The following NEK1 variants were observed in gnomAD, a reference collection of about 807,000 sequenced individuals.
NEK1 encodes NIMA related kinase 1.
Under a neutral mutation model 182.1 loss-of-function variants are expected in NEK1, and 137 were observed. The ratio of observed to expected loss-of-function variants is 0.75; its 90% CI spans 0.65 to 0.87. The LOEUF (loss-of-function observed/expected upper bound fraction) is 0.87. NEK1 is among the 40% of genes least tolerant of loss of function. The probability of loss-of-function intolerance (pLI) is 0.00; values close to 1 mark genes in which losing one functional copy is unlikely to be tolerated. For synonymous variants in NEK1, 513 were observed against 492.2 expected (o/e 1.04, Z -0.56); for missense variants, 1,391 against 1,494.4 (o/e 0.93, Z 1.14).
rs528256857 is a variant in NEK1, at chr4:169,393,321, CAT to C, written c.*1187_*1188del. 6.6e-6 allele frequency: 1 copy of C among 152,040 alleles called. No homozygotes were observed. The highest frequency in any genetic ancestry group is 1.5e-5 in the Non-Finnish European group (1 of 67,982). 9.4% of individuals were successfully genotyped at this position (152,040 alleles called of 1,614,324 possible). A position where few individuals can be genotyped will look rare whatever the true frequency, so the allele number is the denominator to read the frequency against. On this transcript the variant is annotated 3_prime_UTR_variant, in exon 36 of 36. Coordinates refer to ENST00000507142, the MANE Select transcript of NEK1 (RefSeq NM_001199397.3). ...ATAGCAATATCATAAAATAAACACACATATTAAAAAATCAAGTATTTAGTTTC... is the reference window on the plus strand; with the variant it reads ...ATAGCAATATCATAAAATAAACACACATTAAAAAATCAAGTATTTAGTTTC...
At chr4:169,429,687 T>C (rs1737064810) in intron 29 of NEK1, among the ~76,000 whole-genome samples, 1 of 152,166 alleles carries the variant, frequency 6.6e-6, no homozygotes, top group African/African-American at 2.4e-5. Flanking sequence ...AGTTCTCCAC[T>C]AAGTTAGTCT....
intron 23 of NEK1, among the ~76,000 whole-genome samples, chr4:169,481,342 C>T (rs1483283811): frequency 6.6e-6 from 1 of 152,130 alleles, no homozygotes; most frequent in Admixed American, 6.5e-5. Flanking sequence ...ATGATGAATA[C>T]TTTTTAGAAG....
At chr4:169,561,623 GCA>G in intron 15 of NEK1, 62 bp downstream of exon 15, 3 of 1,583,772 alleles carry the variant, frequency 1.9e-6, no homozygotes, top group Non-Finnish European at 2.6e-6. Context: ...AATACATTTA[GCA>G]ATAAACTGAA....
At chr4:169,592,946 G>T (rs548993148) in intron 5 of NEK1, among the ~76,000 whole-genome samples, 5 of 152,214 alleles carry the variant, frequency 3.3e-5, no homozygotes, top group South Asian at 2.1e-4. Context: ...TCAGGAAAAA[G>T]AAAGTGAAAA....
chr4:169,605,151 A>G (rs1771126892), intron 2 of NEK1, among the ~76,000 whole-genome samples: 1 of 152,224 alleles, frequency 6.6e-6, no homozygotes, highest in Admixed American at 6.5e-5. Context: ...TTCTGCCAAG[A>G]GAGGGAAACA....
At position 169,589,994 on chromosome 4, in the gene NEK1, C is replaced by A. The variant is rs183288295; in HGVS notation, c.397-480G>T. On this transcript the variant is annotated intron_variant, in intron 6 of 35. Coordinates refer to ENST00000507142, the MANE Select transcript of NEK1 (RefSeq NM_001199397.3). ...AACTCAACAATAACAACAAAAAAAA[C>A]CAAATAGTATGACTTAGAAGTAGGC... Among the ~76,000 whole-genome samples the A allele has an allele frequency of 4.6e-3, 699 of 151,942 alleles. 5 individuals are homozygous for A. Among genetic ancestry groups the A allele is most frequent in the African/African-American group, 0.015 (637 of 41,436 alleles).
chr4:169,444,934 C>A (rs1222544489), intron 27 of NEK1, among the ~76,000 whole-genome samples: 1 of 152,124 alleles, frequency 6.6e-6, no homozygotes, highest in Non-Finnish European at 1.5e-5. Flanking sequence ...AACTAGAAAT[C>A]AATCACGAGA....
At chr4:169,607,283 T>C (rs1217962158) in intron 2 of NEK1, among the ~76,000 whole-genome samples, 1 of 152,096 alleles carries the variant, frequency 6.6e-6, no homozygotes, top group Non-Finnish European at 1.5e-5. Context: ...CAAAAAATAA[T>C]GATGCACATT....
Position 169,585,561 on chromosome 4 carries a change from A to C in NEK1, c.607-12T>G. The C allele has an allele frequency of 6.4e-7, 1 of 1,558,870 alleles. No individual in the cohort carries two copies. The highest frequency in any genetic ancestry group is 8.8e-7 in the Non-Finnish European group (1 of 1,134,062). ...CTGCCAGCTTCAAACTAAATTCCAG[A>C]AAATAAATAACATATAGGAAACATA... On this transcript the variant is annotated splice_polypyrimidine_tract_variant and intron_variant, in intron 9 of 35. Coordinates refer to ENST00000507142, the MANE Select transcript of NEK1 (RefSeq NM_001199397.3).
intron 19 of NEK1, among the ~76,000 whole-genome samples, chr4:169,514,382 A>C (rs1036419105): frequency 4.6e-5 from 7 of 152,082 alleles, no homozygotes; most frequent in African/African-American, 1.4e-4. Flanking sequence ...ACAGTCTCAA[A>C]ATGAGTTGAT....
intron 18 of NEK1, chr4:169,555,448 T>C: frequency 2.7e-6 from 1 of 374,594 alleles, no homozygotes; most frequent in East Asian, 5.9e-5. Context: ...GTTATAATTA[T>C]GTTGGCAGAA....
intron 23 of NEK1, among the ~76,000 whole-genome samples, chr4:169,483,759 G>A (rs906664443): frequency 1.2e-4 from 18 of 151,540 alleles, no homozygotes; most frequent in African/African-American, 3.6e-4. Flanking sequence ...CCAAGTACTC[G>A]GGAGGCTGAG....
chr4:169,411,328 CT>C (rs1420354075), intron 31 of NEK1, among the ~76,000 whole-genome samples: 1 of 145,712 alleles, frequency 6.9e-6, no homozygotes, highest in East Asian at 2.0e-4. Flanking sequence ...GACTGACTGA[CT>C]TATATTTTAT....
At chr4:169,411,036 A>G (rs1384609162) in intron 31 of NEK1, among the ~76,000 whole-genome samples, 2 of 152,166 alleles carry the variant, frequency 1.3e-5, no homozygotes, top group Non-Finnish European at 2.9e-5. Context: ...CCTTGTGGTG[A>G]GCACAAATAG....
rs11381394 is a variant in NEK1, at chr4:169,562,332, TA to T, written c.1021-137del. The T allele has an allele frequency of 0.048, 22,148 of 463,592 alleles. 339 individuals are homozygous for T. Among genetic ancestry groups the T allele is most frequent in the African/African-American group, 0.065 (3,132 of 47,832 alleles). 28.7% of individuals were successfully genotyped at this position (463,592 alleles called of 1,614,324 possible). A position where few individuals can be genotyped will look rare whatever the true frequency, so the allele number is the denominator to read the frequency against. ...AACTCTCTTCCAAATTACATTATCT[TA>T]AAAAAAAAAATCGTAGTCTTTGATA... is the stretch of plus-strand genomic sequence containing the variant. On this transcript the variant is annotated intron_variant, in intron 12 of 35. Transcript: ENST00000507142.
chr4:169,539,587 T>C (rs2149821097), intron 18 of NEK1, among the ~76,000 whole-genome samples: 1 of 152,262 alleles, frequency 6.6e-6, no homozygotes. Flanking sequence ...AAGGTATATC[T>C]GGTCGTAATG....
chr4:169,568,532 A>T (rs1310363735), intron 12 of NEK1, among the ~76,000 whole-genome samples: 1 of 152,232 alleles, frequency 6.6e-6, no homozygotes, highest in Non-Finnish European at 1.5e-5. Context: ...TGATAATCAC[A>T]AGTAAAAATA....
At chr4:169,546,530 ATATC>A (rs1013719124) in intron 18 of NEK1, among the ~76,000 whole-genome samples, 2 of 152,104 alleles carry the variant, frequency 1.3e-5, no homozygotes, top group African/African-American at 2.4e-5. Flanking sequence ...CAAGTCCTGG[ATATC>A]CTTGTTAATT....
intron 24 of NEK1, chr4:169,478,440 C>T (rs549513288): frequency 3.3e-5 from 5 of 152,140 alleles, no homozygotes; most frequent in Admixed American, 2.6e-4. Context: ...GGAGGGACCA[C>T]ACAGTGGTAT....
Sources: allele counts gnomAD v4.1 joint callset (sites outside exome capture counted in the v4.1 genomes callset), GRCh38; gene constraint gnomAD v4.1.1; transcripts MANE v1.5; gene names NCBI Gene and HGNC (gene_info 2026-07-23, HGNC 2026-07-21).